RALYL: variants seen among roughly 807,000 people sequenced by gnomAD.
RALYL encodes the protein RALY RNA binding protein like.
Under a neutral mutation model 35.1 loss-of-function variants are expected in RALYL, and 29 were observed. The ratio of observed to expected loss-of-function variants is 0.83; its 90% CI spans 0.61 to 1.13. The LOEUF is 1.13. Among genes scored for constraint, RALYL ranks in the 50% most tolerant of loss-of-function variants. RALYL has a pLI of 0.00. For synonymous variants in RALYL, 120 were observed against 127.6 expected (o/e 0.94, Z 0.40); for missense variants, 359 against 360.4 (o/e 1.00, Z 0.03).
At chr8:84,268,685 C>T (rs549952859) in intron 1 of RALYL, among the ~76,000 whole-genome samples, 1 of 152,254 alleles carries the variant, frequency 6.6e-6, no homozygotes, top group African/African-American at 2.4e-5. Flanking sequence ...TTTAGGGTTA[C>T]TCCTTTCTAC....
chr8:84,488,938 A>G (rs932142963), intron 1 of RALYL, among the ~76,000 whole-genome samples: 1 of 152,102 alleles, frequency 6.6e-6, no homozygotes, highest in Non-Finnish European at 1.5e-5. Flanking sequence ...TACTTCTTTA[A>G]TTGAGAGGAA....
chr8:84,407,892 T>C (rs1473870661), intron 1 of RALYL, among the ~76,000 whole-genome samples: 1 of 152,068 alleles, frequency 6.6e-6, no homozygotes, highest in Non-Finnish European at 1.5e-5. Context: ...TATCATTATA[T>C]AGATGAAGAA....
At chr8:84,214,043 C>T (rs73295633) in intron 1 of RALYL, among the ~76,000 whole-genome samples, 3,919 of 152,132 alleles carry the variant, frequency 0.026, 172 homozygotes, top group African/African-American at 0.087. Context: ...TTATCTTTAG[C>T]TAATTTTCTC....
At chr8:84,783,401 T>G (rs185391353) in intron 3 of RALYL, among the ~76,000 whole-genome samples, 58 of 152,278 alleles carry the variant, frequency 3.8e-4, no homozygotes, top group African/African-American at 1.4e-3. Context: ...TCTTACCTTT[T>G]TATGTAGCTA....
At chr8:84,894,177 G>T (rs1454679505) in intron 8 of RALYL, among the ~76,000 whole-genome samples, 2 of 152,166 alleles carry the variant, frequency 1.3e-5, no homozygotes, top group East Asian at 3.8e-4. Context: ...GGCTGAAAAT[G>T]TCTCCTTCTT....
intron 1 of RALYL, among the ~76,000 whole-genome samples, chr8:84,348,758 A>G (rs1850320613): frequency 6.6e-6 from 1 of 151,296 alleles, no homozygotes; most frequent in Non-Finnish European, 1.5e-5. Flanking sequence ...TGAGCCTATA[A>G]TAGAAAATTG....
At chr8:84,295,314 G>A (rs933942165) in intron 1 of RALYL, among the ~76,000 whole-genome samples, 25 of 152,114 alleles carry the variant, frequency 1.6e-4, no homozygotes, top group African/African-American at 4.6e-4. Flanking sequence ...GTTTGTCATT[G>A]AGGAGATCTT....
chr8:84,806,051 T>C (rs552407080), intron 4 of RALYL, among the ~76,000 whole-genome samples: 2 of 152,350 alleles, frequency 1.3e-5, no homozygotes, highest in African/African-American at 4.8e-5. Context: ...ACTTTGTACA[T>C]GGTCATTGAA....
At chr8:84,241,178 T>C (rs1827783762) in intron 1 of RALYL, among the ~76,000 whole-genome samples, 1 of 152,186 alleles carries the variant, frequency 6.6e-6, no homozygotes, top group Non-Finnish European at 1.5e-5. Context: ...CTCCCCTCCA[T>C]ATATTTCTCC....
chr8:84,587,541 T>C (rs1812280345), intron 2 of RALYL, among the ~76,000 whole-genome samples: 1 of 152,206 alleles, frequency 6.6e-6, no homozygotes, highest in African/African-American at 2.4e-5. Flanking sequence ...ATAGAGCTTT[T>C]CATTCCCCAG....
In RALYL at chr8:84,904,849, G is replaced by A. The variant is rs191980348; in HGVS notation, c.859-16045G>A. On this transcript the variant is annotated intron_variant, in intron 8 of 8. Transcript: ENST00000521268. Reference sequence around the variant, plus strand: ...GGTTTCTATGTTGCCTCTGTTCACTGTGGCATGTTAGGTGCATATTCCACC... The same window carrying A: ...GGTTTCTATGTTGCCTCTGTTCACTATGGCATGTTAGGTGCATATTCCACC... 1.5e-3 allele frequency among the ~76,000 whole-genome samples: 222 copies of A among 151,914 alleles called. 4 individuals carry two copies. Among genetic ancestry groups the A allele is most frequent in the Middle Eastern group, 6.8e-3 (2 of 294 alleles).
intron 5 of RALYL, among the ~76,000 whole-genome samples, chr8:84,854,870 G>C (rs750761433): frequency 2.6e-5 from 4 of 152,188 alleles, no homozygotes; most frequent in Admixed American, 6.5e-5. Flanking sequence ...AGATGGTGCT[G>C]CTGTGTCTGA....
At chr8:84,874,569 C>T (rs1317366807) in intron 7 of RALYL, among the ~76,000 whole-genome samples, 1 of 152,146 alleles carries the variant, frequency 6.6e-6, no homozygotes, top group Non-Finnish European at 1.5e-5. Context: ...GGCCCCTGAG[C>T]TACCACACAC....
At chr8:84,745,978 T>C (rs1336378901) in intron 2 of RALYL, among the ~76,000 whole-genome samples, 1 of 152,032 alleles carries the variant, frequency 6.6e-6, no homozygotes, top group Non-Finnish European at 1.5e-5. Context: ...AGTTGCAGGG[T>C]ATCTCTTGAT....
At chr8:84,678,110 A>C (rs1002379622) in intron 2 of RALYL, among the ~76,000 whole-genome samples, 6 of 152,140 alleles carry the variant, frequency 3.9e-5, no homozygotes, top group African/African-American at 1.4e-4. Context: ...AAGTCATACA[A>C]AAGCACTTTG....
chr8:84,216,544 T>G (rs1820877619), intron 1 of RALYL, among the ~76,000 whole-genome samples: 2 of 152,166 alleles, frequency 1.3e-5, no homozygotes, highest in Admixed American at 1.3e-4. Flanking sequence ...ATAGTTTCTC[T>G]GTTTTGTGTG....
intron 2 of RALYL, among the ~76,000 whole-genome samples, chr8:84,636,459 A>G (rs1344888387): frequency 6.6e-6 from 1 of 151,794 alleles, no homozygotes; most frequent in Non-Finnish European, 1.5e-5. Flanking sequence ...TTATAACAAT[A>G]AAAGTATCCA....
intron 6 of RALYL, among the ~76,000 whole-genome samples, chr8:84,865,459 T>A (rs1195434197): frequency 6.6e-6 from 1 of 152,186 alleles, no homozygotes; most frequent in Non-Finnish European, 1.5e-5. Context: ...AAAGAAAATA[T>A]ATTAATGTCA....
chr8:84,888,437 A>G (rs953559851), intron 8 of RALYL, among the ~76,000 whole-genome samples: 1 of 152,178 alleles, frequency 6.6e-6, no homozygotes, highest in Non-Finnish European at 1.5e-5. Flanking sequence ...GTTATTTCTC[A>G]TATTTTATCA....
Sources: allele counts gnomAD v4.1 joint callset (sites outside exome capture counted in the v4.1 genomes callset), GRCh38; gene constraint gnomAD v4.1.1; transcripts MANE v1.5; gene names NCBI Gene and HGNC (gene_info 2026-07-23, HGNC 2026-07-21).